The following CLMP variants were observed in gnomAD, a reference collection of about 807,000 sequenced individuals.
CLMP encodes the protein CXADR like cell adhesion molecule, also known as CXADR-like membrane protein.
Under a neutral mutation model 45.2 loss-of-function variants are expected in CLMP, and 27 were observed. That is an observed-to-expected ratio of 0.60 (90% CI 0.44 to 0.82). The LOEUF is 0.82. CLMP is among the 40% of genes least tolerant of loss of function. The probability of loss-of-function intolerance (pLI) is 0.00; values close to 1 mark genes in which losing one functional copy is unlikely to be tolerated. For synonymous variants in CLMP, 167 were observed against 171.4 expected (o/e 0.97, Z 0.20); for missense variants, 403 against 448.4 (o/e 0.90, Z 0.91).
intron 5 of CLMP, among the ~76,000 whole-genome samples, chr11:123,078,205 G>T (rs114514950): frequency 0.074 from 11,212 of 152,128 alleles, 827 homozygotes; most frequent in African/African-American, 0.19. Context: ...TGGATAAAAT[G>T]GAATGCAATT....
At chr11:123,079,684 A>G (rs1865778888) in intron 5 of CLMP, among the ~76,000 whole-genome samples, 1 of 152,090 alleles carries the variant, frequency 6.6e-6, no homozygotes, top group South Asian at 2.1e-4. Flanking sequence ...TGACCTCGTG[A>G]TCCGCCCGCC....
chr11:123,157,514 T>C (rs750512746), intron 1 of CLMP, among the ~76,000 whole-genome samples: 2 of 151,544 alleles, frequency 1.3e-5, no homozygotes, highest in East Asian at 3.9e-4. Context: ...GATCGCGCCA[T>C]TGCACTTCAG....
chr11:123,162,717 G>A (rs78826291), intron 1 of CLMP, among the ~76,000 whole-genome samples: 4,165 of 151,596 alleles, frequency 0.027, 95 homozygotes, highest in South Asian at 0.05. Context: ...GCAACATGAC[G>A]AAACATTGTC....
chr11:123,135,238 T>G (rs1591472249), intron 1 of CLMP, among the ~76,000 whole-genome samples: 1 of 130,306 alleles, frequency 7.7e-6, no homozygotes, highest in African/African-American at 3.1e-5. Context: ...CTAGCCTGGG[T>G]GATAGAAAAA....
intron 1 of CLMP, among the ~76,000 whole-genome samples, chr11:123,155,031 C>T (rs1861393741): frequency 6.6e-6 from 1 of 152,130 alleles, no homozygotes; most frequent in East Asian, 1.9e-4. Flanking sequence ...TTCTGTTGCC[C>T]AGGTTGTAGT....
At chr11:123,083,597 T>G in intron 4 of CLMP, 83 bp downstream of exon 4, 141 of 1,369,840 alleles carry the variant, frequency 1.0e-4, no homozygotes, top group Non-Finnish European at 1.4e-4. Flanking sequence ...GGTCACATAG[T>G]GAGTTGCTGA....
At chr11:123,141,391 A>AGC (rs1861155948) in intron 1 of CLMP, among the ~76,000 whole-genome samples, 1 of 151,790 alleles carries the variant, frequency 6.6e-6, no homozygotes, top group Admixed American at 6.6e-5. Flanking sequence ...TCACCGTGTT[A>AGC]CCAAGGATGG....
intron 1 of CLMP, among the ~76,000 whole-genome samples, chr11:123,152,834 C>T (rs1861357504): frequency 6.6e-6 from 1 of 152,078 alleles, no homozygotes; most frequent in Admixed American, 6.6e-5. Context: ...GTCCACATTG[C>T]CCCCTGTATC....
intron 5 of CLMP, 124 bp downstream of exon 5, chr11:123,082,961 A>G (rs1865822926): frequency 5.1e-6 from 6 of 1,179,770 alleles, no homozygotes; most frequent in Non-Finnish European, 7.2e-6. Flanking sequence ...TGATAGCCAT[A>G]TCCTTCTGGA....
intron 1 of CLMP, among the ~76,000 whole-genome samples, chr11:123,125,504 C>CTCCCTTCCCT (rs1295258016): frequency 2.2e-4 from 16 of 71,150 alleles, no homozygotes; most frequent in Admixed American, 7.8e-4. Flanking sequence ...TCCCTTCTTC[C>CTCCCTTCCCT]TCCCTTCCCT....
chr11:123,181,514 T>A (rs1188210842), intron 1 of CLMP, among the ~76,000 whole-genome samples: 1 of 152,206 alleles, frequency 6.6e-6, no homozygotes, highest in African/African-American at 2.4e-5. Flanking sequence ...TCACTTATTA[T>A]CTCTACCAAA....
intron 2 of CLMP, among the ~76,000 whole-genome samples, chr11:123,089,809 A>G (rs1205537243): frequency 6.7e-6 from 1 of 150,338 alleles, no homozygotes; most frequent in Non-Finnish European, 1.5e-5. Flanking sequence ...AGAAAAAGAA[A>G]CAAAACAAGG....
At position 123,073,788 on chromosome 11, in the gene CLMP, A is replaced by G; in HGVS notation, c.822-14T>C. The G allele has an allele frequency of 6.4e-7, 1 of 1,553,320 alleles. No individual in the cohort carries two copies. Among genetic ancestry groups the G allele is most frequent in the Non-Finnish European group, 8.7e-7 (1 of 1,152,488 alleles). ...TCAGCATCTTCTCTGAAGAGAAAAA[A>G]CAGCAAAGATTAACACTGGCAGATC... On this transcript the variant is annotated splice_polypyrimidine_tract_variant and intron_variant, in intron 6 of 6. Transcript: ENST00000448775.
Position 123,089,789 on chromosome 11 carries a change from AAAAAGAAAAAG to A in CLMP, c.187-5087_187-5077del, listed in dbSNP as rs552841159. Among the ~76,000 whole-genome samples the A allele has an allele frequency of 6.8e-3, 931 of 137,490 alleles. 13 individuals carry two copies. Among genetic ancestry groups the A allele is most frequent in the African/African-American group, 0.024 (843 of 35,490 alleles). The allele number at this position is 137,490 out of a possible 152,430, so 90.2% of individuals were successfully genotyped here. On this transcript the variant is annotated intron_variant, in intron 2 of 6. Transcript: ENST00000448775. The stretch of plus-strand genomic sequence containing the variant: ...GAGTCTCCATCTCAAAAAAAAAAAA[AAAAAGAAAAAG>A]AAAAAGAAACAAAACAAGGCTGGGC...
At chr11:123,111,262 C>G (rs774356471) in intron 1 of CLMP, among the ~76,000 whole-genome samples, 3 of 152,000 alleles carry the variant, frequency 2.0e-5, no homozygotes, top group African/African-American at 4.8e-5. Flanking sequence ...TTCCAAGTAG[C>G]TGGGATTACA....
intron 1 of CLMP, among the ~76,000 whole-genome samples, chr11:123,103,894 A>G (rs1038541589): frequency 4.0e-5 from 6 of 150,182 alleles, no homozygotes; most frequent in African/African-American, 1.5e-4. Context: ...CAGTCGCGCA[A>G]TCTCGGCTCA....
chr11:123,152,168 T>C (rs1861344646), intron 1 of CLMP, among the ~76,000 whole-genome samples: 1 of 152,192 alleles, frequency 6.6e-6, no homozygotes, highest in Non-Finnish European at 1.5e-5. Context: ...ATGAAAAATC[T>C]TAATAATTAT....
intron 5 of CLMP, among the ~76,000 whole-genome samples, chr11:123,077,629 T>C (rs755407644): frequency 1.8e-4 from 27 of 152,078 alleles, no homozygotes; most frequent in Non-Finnish European, 2.9e-4. Context: ...CCAGCCAAAA[T>C]TTCATTTTTT....
chr11:123,149,545 C>A (rs1014256986), intron 1 of CLMP, among the ~76,000 whole-genome samples: 1 of 152,152 alleles, frequency 6.6e-6, no homozygotes, highest in African/African-American at 2.4e-5. Context: ...AAAATGGCCC[C>A]AGAATATAAA....
Sources: allele counts gnomAD v4.1 joint callset (sites outside exome capture counted in the v4.1 genomes callset), GRCh38; gene constraint gnomAD v4.1.1; transcripts MANE v1.5; gene names NCBI Gene and HGNC (gene_info 2026-07-23, HGNC 2026-07-21).